Variants in PCNX1 observed in about 807,000 individuals in gnomAD.
PCNX1 encodes the protein pecanex-like protein 1.
Under a neutral mutation model 242.2 loss-of-function variants are expected in PCNX1, and 78 were observed. The ratio of observed to expected loss-of-function variants is 0.32; its 90% CI spans 0.27 to 0.39. The LOEUF is 0.39. PCNX1 is among the 10% of genes least tolerant of loss of function. PCNX1 has a pLI of 1.00. For synonymous variants in PCNX1, 1,024 were observed against 1,032.9 expected (o/e 0.99, Z 0.17); for missense variants, 2,581 against 2,856.5 (o/e 0.90, Z 2.20).
At chr14:70,937,040 G>A (rs202139914) in intron 1 of PCNX1, among the ~76,000 whole-genome samples, 66,743 of 151,446 alleles carry the variant, frequency 0.44, 16,001 homozygotes, top group Non-Finnish European at 0.55. Context: ...TTAGCCCTTT[G>A]TCAGATGGAT....
intron 26 of PCNX1, among the ~76,000 whole-genome samples, chr14:71,070,150 T>C (rs1291293355): frequency 1.3e-5 from 2 of 152,238 alleles, no homozygotes; most frequent in East Asian, 3.8e-4. Context: ...CTTTACGTTT[T>C]ATCAGGATAT....
intron 11 of PCNX1, among the ~76,000 whole-genome samples, chr14:71,013,919 C>CTGTT (rs1398698793): frequency 6.6e-6 from 1 of 152,118 alleles, no homozygotes; most frequent in Non-Finnish European, 1.5e-5. Flanking sequence ...ACAGGACAGA[C>CTGTT]TGTTAGAGAG....
chr14:70,907,800 G>GGGCGGGGACGGC lies in PCNX1; in HGVS notation c.-45_-34dup. 8.1e-7 allele frequency: 1 copy of GGGCGGGGACGGC among 1,228,214 alleles called. No individual in the cohort carries two copies. The highest frequency in any genetic ancestry group is 3.3e-4 in the Middle Eastern group (1 of 3,064). 76.1% of individuals were successfully genotyped at this position (1,228,214 alleles called of 1,614,324 possible). A position where few individuals can be genotyped will look rare whatever the true frequency, so the allele number is the denominator to read the frequency against. ...GGCGACCGAGGCCGAGCTGGGGCCG[G>GGGCGGGGACGGC]GGCGGGGACGGCGGCGGCGGCGGCG... is the stretch of plus-strand genomic sequence containing the variant. On this transcript the variant is annotated 5_prime_UTR_variant, in exon 1 of 36. Coordinates refer to ENST00000304743, the MANE Select transcript of PCNX1 (RefSeq NM_014982.3).
At chr14:70,927,469 A>C (rs570605605) in intron 1 of PCNX1, among the ~76,000 whole-genome samples, 1 of 152,316 alleles carries the variant, frequency 6.6e-6, no homozygotes, top group African/African-American at 2.4e-5. Context: ...AATTGAGCTC[A>C]GGGCAAGTGT....
intron 6 of PCNX1, among the ~76,000 whole-genome samples, chr14:70,978,992 T>C (rs2058759517): frequency 6.6e-6 from 1 of 152,116 alleles, no homozygotes; most frequent in African/African-American, 2.4e-5. Context: ...AAATATATAA[T>C]TATTTAAGGG....
Position 71,012,848 on chromosome 14 carries a change from A to G in PCNX1, c.2779-137A>G. On this transcript the variant is annotated intron_variant, in intron 10 of 35. Coordinates refer to ENST00000304743, the MANE Select transcript of PCNX1 (RefSeq NM_014982.3). ...AAAAAAAAAAAAAAAAGTGTATGAG[A>G]GAAGAAAATTAAAGGGCTTAGATAA... is the stretch of plus-strand genomic sequence containing the variant. 7.9e-6 allele frequency: 5 copies of G among 632,368 alleles called. No individual in the cohort carries two copies. In the South Asian group the frequency reaches 9.8e-5, roughly 12 times the overall value. The allele number at this position is 632,368 out of a possible 1,614,324, so 39.2% of individuals were successfully genotyped here.
chr14:71,109,552 G>C lies in PCNX1; in HGVS notation c.6845G>C (p.Ser2282Thr), dbSNP rs748941908. The C allele has an allele frequency of 9.3e-6, 15 of 1,614,062 alleles. No individual in the cohort carries two copies. The Admixed American group carries it at 2.5e-4, about 27-fold the overall frequency. Residue 2282 changes from serine (S) to threonine (T), a missense_variant, in exon 35 of 36, where the codon AGC (serine) becomes ACC (threonine). Physicochemically the swap from Ser to Thr is moderately conservative, Grantham distance 58. This residue lies in a region of PCNX1 where 432 missense variants were observed against 433.6 expected (regional missense o/e 1.00). Transcript: ENST00000304743. ...ATCCGGTTAAAAGCTGGGAGAAATAGCTGGAAAGACTGGAGTCCGCAGGAG... is the reference window on the plus strand; with the variant it reads ...ATCCGGTTAAAAGCTGGGAGAAATACCTGGAAAGACTGGAGTCCGCAGGAG... ...EGIRLKAGRN[S>T]WKDWSPQEGM... is the part of the protein sequence containing the mutation.
In PCNX1 at chr14:71,057,510, A is replaced by G; in HGVS notation, c.4638A>G (p.Gly1546=). The change falls in exon 26 of 36, where the codon GGA becomes GGG. Residue 1546 remains glycine (G), a splice_region_variant and synonymous_variant. Coordinates refer to ENST00000304743, the MANE Select transcript of PCNX1 (RefSeq NM_014982.3). ...RLASQLDRNP[G]SDDNNLNSIF... ...TTTTTTTAAAATCTCTTTTTATAGG[A>G]TCAGATGACAACAATCTGAATTCCA... 1 of 1,594,534 alleles carries G rather than the reference A, an allele frequency of 6.3e-7. No individual in the cohort carries two copies. The highest frequency in any genetic ancestry group is 8.6e-7 in the Non-Finnish European group (1 of 1,162,536).
chr14:70,995,200 G>C (rs1313827995), intron 7 of PCNX1, among the ~76,000 whole-genome samples: 3 of 152,096 alleles, frequency 2.0e-5, no homozygotes, highest in Non-Finnish European at 2.9e-5. Context: ...TTTCTTGCTA[G>C]TTTGTGATTC....
rs2060031678 is a variant in PCNX1, at chr14:71,019,156, G to C, written c.3144G>C (p.Leu1048=). 1.2e-6 allele frequency: 2 copies of C among 1,605,138 alleles called. No individual in the cohort carries two copies. Among genetic ancestry groups the C allele is most frequent in the Non-Finnish European group, 1.7e-6 (2 of 1,176,416 alleles). The change falls in exon 12 of 36, where the codon CTG becomes CTC. Residue 1048 remains leucine, a synonymous_variant. Transcript: ENST00000304743. The part of the protein sequence containing the change: ...CLVIASCQYS[L]LKSVQPDSSS... ...TCATAGCCAGCTGTCAATACTCACT[G>C]CTTAAGGTACCAGCATCTCTTCTTT...
chr14:71,094,632 A>G (rs1262946720), intron 30 of PCNX1, among the ~76,000 whole-genome samples: 1 of 152,114 alleles, frequency 6.6e-6, no homozygotes, highest in Non-Finnish European at 1.5e-5. Context: ...CTTTTTGGTA[A>G]TTAAAACTGT....
chr14:71,057,013 A>G (rs1346821572), intron 25 of PCNX1, among the ~76,000 whole-genome samples: 1 of 152,048 alleles, frequency 6.6e-6, no homozygotes, highest in Non-Finnish European at 1.5e-5. Context: ...GTTGCTATAT[A>G]CAGTTTATCT....
intron 7 of PCNX1, among the ~76,000 whole-genome samples, chr14:70,994,880 T>A (rs2059303116): frequency 1.3e-5 from 2 of 152,112 alleles, no homozygotes; most frequent in South Asian, 4.1e-4. Flanking sequence ...TAAATAATTT[T>A]AATCTCAAAA....
chr14:70,912,345 G>C (rs1299481869), intron 1 of PCNX1, among the ~76,000 whole-genome samples: 2 of 152,180 alleles, frequency 1.3e-5, no homozygotes, highest in Non-Finnish European at 2.9e-5. Flanking sequence ...TGATGTGCAA[G>C]CCCTTTCTTA....
At chr14:71,009,442 T>A (rs1225903911) in intron 8 of PCNX1, among the ~76,000 whole-genome samples, 192 bp from the exon 9 acceptor site, 2 of 152,236 alleles carry the variant, frequency 1.3e-5, no homozygotes, top group Admixed American at 6.5e-5. Context: ...GTTGATGTTT[T>A]ACCCTACTGT....
chr14:71,061,743 G>A (rs2061331203), intron 26 of PCNX1, among the ~76,000 whole-genome samples: 1 of 152,194 alleles, frequency 6.6e-6, no homozygotes, highest in Non-Finnish European at 1.5e-5. Flanking sequence ...TGAAGAGATT[G>A]CAAAAATCAA....
At chr14:71,006,360 C>T (rs1489514765) in intron 8 of PCNX1, among the ~76,000 whole-genome samples, 1 of 151,936 alleles carries the variant, frequency 6.6e-6, no homozygotes, top group Non-Finnish European at 1.5e-5. Flanking sequence ...GTCTGAAATT[C>T]CAGTTTCTAA....
chr14:71,082,163 C>T (rs1338352089), intron 28 of PCNX1, among the ~76,000 whole-genome samples: 5 of 152,074 alleles, frequency 3.3e-5, no homozygotes, highest in Non-Finnish European at 4.4e-5. Flanking sequence ...TGTTGTTGTG[C>T]GGTTTTGAGT....
chr14:70,956,728 C>T (rs992728594), intron 2 of PCNX1, among the ~76,000 whole-genome samples: 4 of 152,098 alleles, frequency 2.6e-5, no homozygotes, highest in Non-Finnish European at 4.4e-5. Flanking sequence ...TTGCAGAATG[C>T]TGAGGAGGTA....
Sources: gnomAD v4.1 joint callset for allele counts (sites outside exome capture counted in the v4.1 genomes callset) on GRCh38, gnomAD v4.1.1 for gene constraint, gnomAD v4.1.1 regional missense constraint, MANE v1.5 for transcripts, NCBI Gene and HGNC (gene_info 2026-07-23, HGNC 2026-07-21) for gene names.